KCTD16: variants seen among roughly 807,000 people sequenced by gnomAD.
KCTD16 encodes the protein BTB/POZ domain-containing protein KCTD16.
Under a neutral mutation model 33.2 loss-of-function variants are expected in KCTD16, and 13 were observed. The observed-to-expected ratio is 0.39, with a 90% CI of 0.25 to 0.62. The LOEUF is 0.62. Among genes scored for constraint, KCTD16 ranks in the 20% least tolerant of loss-of-function variants. The pLI, the probability that KCTD16 is intolerant of heterozygous loss-of-function variation, is 0.50. For missense variants in KCTD16, 441 were observed against 525.1 expected, an observed-to-expected ratio of 0.84 and a Z score of 1.57; for synonymous variants, 197 against 195.3, an observed-to-expected ratio of 1.01 and a Z score of -0.07.
At chr5:144,171,682 A>G (rs930367690) in intron 1 of KCTD16, among the ~76,000 whole-genome samples, 6 of 152,172 alleles carry the variant, frequency 3.9e-5, no homozygotes, top group African/African-American at 1.2e-4. Flanking sequence ...GAATTTGTCA[A>G]CCACTCTTCT....
chr5:144,172,290 A>G (rs1752406728), intron 1 of KCTD16, among the ~76,000 whole-genome samples: 1 of 152,208 alleles, frequency 6.6e-6, no homozygotes, highest in Admixed American at 6.5e-5. Flanking sequence ...TTGTGGATAC[A>G]TCATAGTTGT....
chr5:144,429,177 T>C (rs535045587), intron 3 of KCTD16, among the ~76,000 whole-genome samples: 1 of 152,244 alleles, frequency 6.6e-6, no homozygotes, highest in South Asian at 2.1e-4. Flanking sequence ...AATCCCTCAG[T>C]AAATCTTTAT....
At chr5:144,233,399 CT>C (rs1225491998) in intron 3 of KCTD16, among the ~76,000 whole-genome samples, 1 of 152,072 alleles carries the variant, frequency 6.6e-6, no homozygotes, top group Non-Finnish European at 1.5e-5. Context: ...AAGGTCAACT[CT>C]GTTTCCATCT....
At chr5:144,288,709 C>T (rs1219607770) in intron 3 of KCTD16, among the ~76,000 whole-genome samples, 1 of 152,132 alleles carries the variant, frequency 6.6e-6, no homozygotes, top group Admixed American at 6.5e-5. Context: ...GTGGCTCATG[C>T]CTGTAATCCT....
At position 144,249,584 on chromosome 5, in the gene KCTD16, A is replaced by G. The variant is rs144923880; in HGVS notation, c.832+42038A>G. Among the ~76,000 whole-genome samples, 6 of 152,292 alleles carry G rather than the reference A, an allele frequency of 3.9e-5. No homozygotes were observed. The East Asian group carries it at 9.6e-4, about 24-fold the overall frequency. On this transcript the variant is annotated intron_variant, in intron 3 of 3. Coordinates refer to ENST00000512467, the MANE Select transcript of KCTD16 (RefSeq NM_020768.4). ...GAGAAAGCCTATTCTCTGTTATAAT[A>G]AAATCTTTAAAAATTTAATACTGTC... is the stretch of plus-strand genomic sequence containing the variant.
At position 144,177,939 on chromosome 5, in the gene KCTD16, T is replaced by C. The variant is rs188776807; in HGVS notation, c.-327+3467T>C. On this transcript the variant is annotated intron_variant, in intron 2 of 3. Transcript: ENST00000512467. ...GATTTTTTTTCACTTTGATCAGCTA[T>C]TCATGTCAATGTCAATTTGTTGTCA... 1.5e-3 allele frequency among the ~76,000 whole-genome samples: 234 copies of C among 152,320 alleles called. 1 individual carries two copies. Among genetic ancestry groups the C allele is most frequent in the African/African-American group, 5.3e-3 (220 of 41,576 alleles).
chr5:144,438,637 CAT>C (rs1024683319), intron 3 of KCTD16, among the ~76,000 whole-genome samples: 3 of 152,220 alleles, frequency 2.0e-5, no homozygotes, highest in African/African-American at 7.2e-5. Flanking sequence ...CTTTTGAAAA[CAT>C]AGGCTGGGTC....
intron 3 of KCTD16, among the ~76,000 whole-genome samples, chr5:144,258,161 C>A: frequency 6.6e-6 from 1 of 152,066 alleles, no homozygotes; most frequent in East Asian, 1.9e-4. Flanking sequence ...ACTATCATAG[C>A]AAATTAGATG....
At chr5:144,299,067 TATATA>T (rs1367491349) in intron 3 of KCTD16, among the ~76,000 whole-genome samples, 6 of 83,664 alleles carry the variant, frequency 7.2e-5, no homozygotes, top group Admixed American at 3.6e-4. Context: ...TATATATATA[TATATA>T]TTTTTGTATA....
Position 144,206,806 on chromosome 5 carries a change from T to C in KCTD16, c.92T>C (p.Val31Ala), listed in dbSNP as rs763466986. 48 of 1,614,006 alleles carry C rather than the reference T, an allele frequency of 3.0e-5. No individual in the cohort carries two copies. Among genetic ancestry groups the C allele is most frequent in the Non-Finnish European group, 3.6e-5 (43 of 1,180,008 alleles). The change falls in exon 3 of 4, where the codon GTC becomes GCC. Residue 31 changes from valine (V) to alanine (A), a missense_variant. Transcript: ENST00000512467. Reference sequence around the variant, plus strand: ...TTCCCTGAGGTGGTAGAGCTGAATGTCGGGGGTCAAGTTTATTTTACTCGC... The same window carrying C: ...TTCCCTGAGGTGGTAGAGCTGAATGCCGGGGGTCAAGTTTATTTTACTCGC... ...NSFPEVVELN[V>A]GGQVYFTRHS...
chr5:144,458,806 T>C (rs530112676), intron 3 of KCTD16, among the ~76,000 whole-genome samples: 3 of 152,318 alleles, frequency 2.0e-5, no homozygotes, highest in Admixed American at 6.5e-5. Flanking sequence ...TGCATTTCAA[T>C]GTATTTGCAG....
chr5:144,229,513 A>G (rs943247685), intron 3 of KCTD16, among the ~76,000 whole-genome samples: 2 of 152,222 alleles, frequency 1.3e-5, no homozygotes, highest in African/African-American at 4.8e-5. Context: ...GGAGTACTCA[A>G]AGATCACCTA....
At chr5:144,347,591 G>A (rs1440383731) in intron 3 of KCTD16, among the ~76,000 whole-genome samples, 2 of 152,296 alleles carry the variant, frequency 1.3e-5, no homozygotes, top group Admixed American at 1.3e-4. Flanking sequence ...GGTAGAGGGA[G>A]GTTGGTTTCA....
rs143726626 is a variant in KCTD16, at chr5:144,346,567, A to T, written c.833-127093A>T. Among the ~76,000 whole-genome samples, 8 of 152,254 alleles carry T rather than the reference A, an allele frequency of 5.3e-5. No homozygotes were observed. In the East Asian group the frequency reaches 1.5e-3, roughly 29 times the overall value. ...TATAAGCCATTTTAACTGGAATGAGATAATATCTCATTGCAGTTTTGATTT... is the reference window on the plus strand; with the variant it reads ...TATAAGCCATTTTAACTGGAATGAGTTAATATCTCATTGCAGTTTTGATTT... On this transcript the variant is annotated intron_variant, in intron 3 of 3. Coordinates refer to ENST00000512467, the MANE Select transcript of KCTD16 (RefSeq NM_020768.4).
At chr5:144,212,629 C>T (rs915713320) in intron 3 of KCTD16, among the ~76,000 whole-genome samples, 25 of 152,292 alleles carry the variant, frequency 1.6e-4, no homozygotes, top group South Asian at 4.1e-4. Flanking sequence ...GGAGCGACTA[C>T]GCATAGGATG....
intron 3 of KCTD16, among the ~76,000 whole-genome samples, chr5:144,363,576 T>C (rs29902): frequency 0.31 from 46,484 of 151,836 alleles, 7,644 homozygotes; most frequent in African/African-American, 0.42. Context: ...GATATGAATA[T>C]GTGATAAGTT....
chr5:144,389,216 A>G (rs1752397095), intron 3 of KCTD16, among the ~76,000 whole-genome samples: 1 of 152,124 alleles, frequency 6.6e-6, no homozygotes, highest in Non-Finnish European at 1.5e-5. Flanking sequence ...GGGGTCCCCA[A>G]CCCCCAGGCC....
In KCTD16 at chr5:144,482,060, G is replaced by T. The variant is rs1754713258; in HGVS notation, c.*7946G>T. ...TCATAGCTAAAAAGTGGCAGAGCCA[G>T]ATTTTCCTCTGAGTTTATTAGACTC... On this transcript the variant is annotated 3_prime_UTR_variant, in exon 4 of 4. Coordinates refer to ENST00000512467, the MANE Select transcript of KCTD16 (RefSeq NM_020768.4). 1 of 151,944 alleles carries T rather than the reference G, an allele frequency of 6.6e-6. No individual in the cohort carries two copies. The highest frequency in any genetic ancestry group is 1.5e-5 in the Non-Finnish European group (1 of 67,944). 9.4% of individuals were successfully genotyped at this position (151,944 alleles called of 1,614,324 possible).
rs187572300 is a variant in KCTD16 at position 144,477,703 on chromosome 5, C to A, written c.*3589C>A. On this transcript the variant is annotated 3_prime_UTR_variant, in exon 4 of 4. Coordinates refer to ENST00000512467, the MANE Select transcript of KCTD16 (RefSeq NM_020768.4). Reference sequence around the variant, plus strand: ...GGTGTTTTGTAAAATTACTTGACACCAGCTCCCACAATGGGAACCAAATTT... The same window carrying A: ...GGTGTTTTGTAAAATTACTTGACACAAGCTCCCACAATGGGAACCAAATTT... 2.6e-5 allele frequency: 4 copies of A among 152,160 alleles called. No homozygotes were observed. The highest frequency in any genetic ancestry group is 2.6e-4 in the Admixed American group (4 of 15,274). The allele number at this position is 152,160 out of a possible 1,614,324, so 9.4% of individuals were successfully genotyped here.
Sources: gnomAD v4.1 joint callset for allele counts (sites outside exome capture counted in the v4.1 genomes callset) on GRCh38, gnomAD v4.1.1 for gene constraint, MANE v1.5 for transcripts, NCBI Gene and HGNC (gene_info 2026-07-23, HGNC 2026-07-21) for gene names.